PARD3B: variants seen among roughly 807,000 people sequenced by gnomAD.
PARD3B encodes partitioning defective 3 homolog B.
A neutral mutation model predicts 130.2 loss-of-function variants in PARD3B; 103 were observed. The observed-to-expected ratio is 0.79, with a 90% confidence interval of 0.67 to 0.93. The LOEUF (loss-of-function observed/expected upper bound fraction) is 0.93. PARD3B is among the 40% of genes least tolerant of loss of function. The probability of loss-of-function intolerance (pLI) is 0.00; values close to 1 mark genes in which losing one functional copy is unlikely to be tolerated. For synonymous variants in PARD3B, 583 were observed against 553.2 expected, an observed-to-expected ratio of 1.05 and a Z score of -0.76; for missense variants, 1,609 against 1,499.2, an observed-to-expected ratio of 1.07 and a Z score of -1.21.
intron 15 of PARD3B, among the ~76,000 whole-genome samples, chr2:205,213,220 T>G (rs1056036676): frequency 6.6e-6 from 1 of 152,236 alleles, no homozygotes; most frequent in South Asian, 2.1e-4. Context: ...GACTGTCATT[T>G]TTTTTTTCCA....
intron 19 of PARD3B, among the ~76,000 whole-genome samples, chr2:205,415,732 A>AT (rs754051448): frequency 1.9e-4 from 29 of 151,874 alleles, no homozygotes; most frequent in Non-Finnish European, 3.7e-4. Context: ...ATTCAAAGAA[A>AT]TTTTTTTTTA....
chr2:205,349,748 GA>G (rs2043924043), intron 18 of PARD3B, among the ~76,000 whole-genome samples: 1 of 149,276 alleles, frequency 6.7e-6, no homozygotes, highest in Non-Finnish European at 1.5e-5. Context: ...ATAATATTAG[GA>G]AGGAAATATG....
chr2:204,807,291 A>G (rs1224798027), intron 2 of PARD3B, among the ~76,000 whole-genome samples: 6 of 152,180 alleles, frequency 3.9e-5, no homozygotes, highest in Admixed American at 2.6e-4. Flanking sequence ...TGACATTACA[A>G]TGAGATGTTT....
rs144003517 is a variant in PARD3B at position 205,595,736 on chromosome 2, A to G, written c.3261-19720A>G. 3.9e-5 allele frequency among the ~76,000 whole-genome samples: 6 copies of G among 152,282 alleles called. 1 individual carries two copies. Among genetic ancestry groups the G allele is most frequent in the African/African-American group, 1.4e-4 (6 of 41,560 alleles). On this transcript the variant is annotated intron_variant, in intron 22 of 22. Transcript: ENST00000406610. Reference sequence around the variant, plus strand: ...CAATAAATCAGGGAGTTAGAGAACAATGTAGGATGAAATAACATCTAAAGG... The same window carrying G: ...CAATAAATCAGGGAGTTAGAGAACAGTGTAGGATGAAATAACATCTAAAGG...
At chr2:204,743,403 G>C (rs7599419) in intron 2 of PARD3B, among the ~76,000 whole-genome samples, 49,786 of 151,864 alleles carry the variant, frequency 0.33, 9,227 homozygotes, top group African/African-American at 0.52. Context: ...TTTTAAATGG[G>C]AAGGATTTAA....
chr2:204,826,931 G>T (rs1309828269), intron 2 of PARD3B, among the ~76,000 whole-genome samples: 1 of 152,046 alleles, frequency 6.6e-6, no homozygotes, highest in East Asian at 1.9e-4. Flanking sequence ...GAGGCAGGAG[G>T]ATCACTTAAG....
intron 3 of PARD3B, among the ~76,000 whole-genome samples, chr2:204,995,035 A>AC (rs1694037543): frequency 6.6e-6 from 1 of 150,978 alleles, no homozygotes; most frequent in East Asian, 2.0e-4. Context: ...TCTTTATCCA[A>AC]CTTGCCAGTC....
chr2:205,481,913 T>C (rs1029973308), intron 20 of PARD3B, among the ~76,000 whole-genome samples: 2 of 152,036 alleles, frequency 1.3e-5, no homozygotes, highest in African/African-American at 4.8e-5. Context: ...TGTGAGAAGG[T>C]TGTTTCTGGA....
intron 3 of PARD3B, among the ~76,000 whole-genome samples, chr2:204,971,243 T>C (rs1448103971): frequency 1.3e-5 from 2 of 152,232 alleles, no homozygotes; most frequent in African/African-American, 4.8e-5. Context: ...TTAATTAGGC[T>C]GCTGTGTGTA....
At position 204,799,956 on chromosome 2, in the gene PARD3B, T is replaced by C. The variant is rs562646400; in HGVS notation, c.222+113674T>C. On this transcript the variant is annotated intron_variant, in intron 2 of 22. Coordinates refer to ENST00000406610, the MANE Select transcript of PARD3B (RefSeq NM_001302769.2). The surrounding 1 kb of genome is among the most constrained non-coding windows in gnomAD (Gnocchi z 4.1). ...GTGAAGGCTACAATAAATACCTAAC[T>C]CTACAATGCCCTGACACTGATGAAC... is the stretch of plus-strand genomic sequence containing the variant. Among the ~76,000 whole-genome samples the C allele has an allele frequency of 1.3e-5, 2 of 152,272 alleles. No individual in the cohort carries two copies. Among genetic ancestry groups the C allele is most frequent in the South Asian group, 4.1e-4 (2 of 4,820 alleles).
At chr2:205,127,960 A>G (rs1272512379) in intron 10 of PARD3B, among the ~76,000 whole-genome samples, 1 of 152,168 alleles carries the variant, frequency 6.6e-6, no homozygotes, top group Non-Finnish European at 1.5e-5. Context: ...CTTTCTCTAC[A>G]AGGGTCAAAG....
intron 22 of PARD3B, among the ~76,000 whole-genome samples, chr2:205,593,914 T>C (rs1264286430): frequency 6.6e-6 from 1 of 152,196 alleles, no homozygotes; most frequent in African/African-American, 2.4e-5. Context: ...TATCCCAACA[T>C]TCCTCCAATG....
chr2:205,466,994 T>A (rs2106244059), intron 20 of PARD3B, among the ~76,000 whole-genome samples: 1 of 152,368 alleles, frequency 6.6e-6, no homozygotes, highest in Non-Finnish European at 1.5e-5. Flanking sequence ...ATCACAGGCG[T>A]GAGCCACAAC....
At chr2:205,431,357 A>G (rs977175157) in intron 19 of PARD3B, among the ~76,000 whole-genome samples, 1 of 152,050 alleles carries the variant, frequency 6.6e-6, no homozygotes, top group African/African-American at 2.4e-5. Flanking sequence ...GATTACAGGC[A>G]TGAGCCACCA....
intron 21 of PARD3B, among the ~76,000 whole-genome samples, chr2:205,517,840 G>T (rs552673885): frequency 2.6e-5 from 4 of 152,028 alleles, no homozygotes; most frequent in Non-Finnish European, 5.9e-5. Flanking sequence ...TTCATTATTT[G>T]CCAAGAAGTC....
intron 4 of PARD3B, among the ~76,000 whole-genome samples, chr2:205,088,386 GAAAAT>G (rs1193481795): frequency 6.6e-6 from 1 of 152,142 alleles, no homozygotes; most frequent in Non-Finnish European, 1.5e-5. Flanking sequence ...TGGACAGAAA[GAAAAT>G]AAATAGATTG....
At chr2:204,956,626 A>G (rs1690261936) in intron 2 of PARD3B, among the ~76,000 whole-genome samples, 1 of 152,044 alleles carries the variant, frequency 6.6e-6, no homozygotes, top group African/African-American at 2.4e-5. Context: ...TTGAGATTGG[A>G]AAAAATTAGT....
chr2:205,539,846 T>G (rs1283733075), intron 21 of PARD3B, among the ~76,000 whole-genome samples: 1 of 152,144 alleles, frequency 6.6e-6, no homozygotes, highest in Non-Finnish European at 1.5e-5. Context: ...CAAGTACGGT[T>G]AGATGTGACT....
intron 4 of PARD3B, among the ~76,000 whole-genome samples, chr2:205,063,390 T>C (rs1700174396): frequency 6.6e-6 from 1 of 152,120 alleles, no homozygotes; most frequent in Admixed American, 6.6e-5. Context: ...CCTGGATTTC[T>C]AAATTTGTTT....
Sources: allele counts gnomAD v4.1 joint callset (sites outside exome capture counted in the v4.1 genomes callset), GRCh38; gene constraint gnomAD v4.1.1; non-coding constraint Gnocchi (gnomAD v3.1); transcripts MANE v1.5; gene names NCBI Gene and HGNC (gene_info 2026-07-23, HGNC 2026-07-21).